Variants in GRIK4 observed in about 807,000 individuals in gnomAD.
The protein encoded by GRIK4 is glutamate receptor ionotropic, kainate 4.
A neutral mutation model predicts 104.9 loss-of-function variants in GRIK4; 40 were observed. That is an observed-to-expected ratio of 0.38 (90% CI 0.30 to 0.50). GRIK4 has a LOEUF of 0.50. Among genes scored for constraint, GRIK4 ranks in the 20% least tolerant of loss-of-function variants. The pLI is 0.93. For synonymous variants in GRIK4, 485 were observed against 524.9 expected, an observed-to-expected ratio of 0.92 and a Z score of 1.04; for missense variants, 1,047 against 1,308.1, an observed-to-expected ratio of 0.80 and a Z score of 3.08.
At chr11:120,858,092 A>G (rs576827773) in intron 8 of GRIK4, 156 of 151,924 alleles carry the variant, frequency 1.0e-3, no homozygotes, top group African/African-American at 3.7e-3. Context: ...TATTTATAAG[A>G]AGAGGATCAA....
chr11:120,875,311 T>C, intron 11 of GRIK4, 68 bp downstream of exon 11: 1 of 1,018,430 alleles, frequency 9.8e-7, no homozygotes, highest in Non-Finnish European at 1.6e-6. Flanking sequence ...TGCCTCGGTG[T>C]TTTGGATGGC....
intron 3 of GRIK4, among the ~76,000 whole-genome samples, chr11:120,768,214 C>T (rs1951872715): frequency 6.6e-6 from 1 of 151,972 alleles, no homozygotes; most frequent in Non-Finnish European, 1.5e-5. Context: ...TGTTTATCTT[C>T]TTCAATTTCT....
At chr11:120,797,098 G>A (rs532146928) in intron 3 of GRIK4, among the ~76,000 whole-genome samples, 24 of 152,282 alleles carry the variant, frequency 1.6e-4, no homozygotes, top group Non-Finnish European at 2.6e-4. Flanking sequence ...TGGGCATGCC[G>A]GAGGCATCTT....
chr11:120,731,276 A>T (rs1231117921), intron 3 of GRIK4, among the ~76,000 whole-genome samples: 3 of 149,626 alleles, frequency 2.0e-5, no homozygotes, highest in South Asian at 2.1e-4. Context: ...TTTTTTAATC[A>T]TGAAAGGATG....
At chr11:120,797,695 C>T (rs181917822) in intron 3 of GRIK4, among the ~76,000 whole-genome samples, 6 of 152,252 alleles carry the variant, frequency 3.9e-5, no homozygotes, top group Non-Finnish European at 7.4e-5. Flanking sequence ...CCCTGAATCG[C>T]ACGGGGGTTG....
In GRIK4 at chr11:120,549,341, C is replaced by T. The variant is rs1055075697; in HGVS notation, c.-159+37454C>T. 2.0e-5 allele frequency among the ~76,000 whole-genome samples: 3 copies of T among 152,144 alleles called. No individual in the cohort carries two copies. The highest frequency in any genetic ancestry group is 4.4e-5 in the Non-Finnish European group (3 of 68,044). On this transcript the variant is annotated intron_variant, in intron 1 of 20. Coordinates refer to ENST00000527524, the MANE Select transcript of GRIK4 (RefSeq NM_014619.5). The surrounding 1 kb of genome is among the most constrained non-coding windows in gnomAD (Gnocchi z 4.7). ...CAGGCTGGTCTCAAACTCTTGACCTCATGATGCACCCACCTTGGACTCCCA... is the reference window on the plus strand; with the variant it reads ...CAGGCTGGTCTCAAACTCTTGACCTTATGATGCACCCACCTTGGACTCCCA...
At chr11:120,852,431 A>G (rs753325125) in intron 8 of GRIK4, among the ~76,000 whole-genome samples, 44 of 152,356 alleles carry the variant, frequency 2.9e-4, no homozygotes, top group Non-Finnish European at 5.3e-4. Context: ...ATGAACAAGA[A>G]GGAATATGGT....
intron 3 of GRIK4, among the ~76,000 whole-genome samples, chr11:120,765,243 C>T (rs74414383): frequency 5.3e-5 from 8 of 151,406 alleles, no homozygotes; most frequent in African/African-American, 1.5e-4. Flanking sequence ...TCTGCTTGAT[C>T]GGTTTGGCTA....
intron 12 of GRIK4, among the ~76,000 whole-genome samples, chr11:120,901,070 G>C (rs1942723851): frequency 6.6e-6 from 1 of 152,060 alleles, no homozygotes; most frequent in African/African-American, 2.4e-5. Context: ...TCTTTCTCTG[G>C]AGCCGCTCCA....
intron 1 of GRIK4, among the ~76,000 whole-genome samples, chr11:120,613,411 T>C (rs899866411): frequency 6.6e-6 from 1 of 152,248 alleles, no homozygotes; most frequent in African/African-American, 2.4e-5. Flanking sequence ...CTGATGTTGA[T>C]AAGAGCTTTG....
intron 3 of GRIK4, among the ~76,000 whole-genome samples, chr11:120,802,410 C>CG (rs1386740528): frequency 6.6e-6 from 1 of 152,186 alleles, no homozygotes; most frequent in African/African-American, 2.4e-5. Context: ...TGCCTGGACC[C>CG]GGGGACTTCG....
chr11:120,690,884 A>T (rs1471237773), intron 3 of GRIK4, among the ~76,000 whole-genome samples: 2 of 152,198 alleles, frequency 1.3e-5, no homozygotes, highest in Admixed American at 1.3e-4. Flanking sequence ...TCGCATATTT[A>T]TGGGAAGTTA....
intron 13 of GRIK4, among the ~76,000 whole-genome samples, chr11:120,906,216 G>A (rs1466494149): frequency 6.6e-6 from 1 of 152,180 alleles, no homozygotes; most frequent in East Asian, 1.9e-4. Flanking sequence ...AATTAATTAA[G>A]TCATTGGGAA....
intron 3 of GRIK4, among the ~76,000 whole-genome samples, chr11:120,759,186 G>A (rs559126411): frequency 1.6e-4 from 25 of 152,308 alleles, no homozygotes; most frequent in Middle Eastern, 3.4e-3. Flanking sequence ...GGAGTGGAGA[G>A]CTTTCTGGGC....
At chr11:120,761,926 A>G (rs117940660) in intron 3 of GRIK4, among the ~76,000 whole-genome samples, 2 of 152,196 alleles carry the variant, frequency 1.3e-5, no homozygotes, top group Non-Finnish European at 2.9e-5. Flanking sequence ...TGCCTTGGCT[A>G]TACGGACTCT....
In GRIK4 at chr11:120,986,178, G is replaced by C; in HGVS notation, c.2789G>C (p.Gly930Ala). 6.4e-7 allele frequency: 1 copy of C among 1,559,152 alleles called. No individual in the cohort carries two copies. The highest frequency in any genetic ancestry group is 1.2e-5 in the South Asian group (1 of 86,692). The change falls in exon 21 of 21, where the codon GGC becomes GCC. Residue 930 changes from glycine (G) to alanine (A), a missense_variant. Physicochemically the swap from Gly to Ala is moderately conservative, Grantham distance 60 (BLOSUM62 0). Coordinates refer to ENST00000527524, the MANE Select transcript of GRIK4 (RefSeq NM_014619.5). Reference protein sequence around the residue: ...RVCPECRRFQGLRARPSPARS... With the variant: ...RVCPECRRFQALRARPSPARS... ...TGCCCCGAGTGCCGCCGCTTCCAGG[G>C]CCTGCGGGCACGGCCGTCGCCCGCC...
chr11:120,805,198 C>A (rs1158728410), intron 4 of GRIK4, among the ~76,000 whole-genome samples: 1 of 152,184 alleles, frequency 6.6e-6, no homozygotes, highest in Non-Finnish European at 1.5e-5. Context: ...CTTGTGAACC[C>A]CCAGTCCAGT....
intron 1 of GRIK4, among the ~76,000 whole-genome samples, chr11:120,579,159 A>G (rs1948528938): frequency 6.6e-6 from 1 of 152,088 alleles, no homozygotes; most frequent in Non-Finnish European, 1.5e-5. Flanking sequence ...AGGCTGCATG[A>G]TGGTGGAGTG....
chr11:120,596,377 G>C (rs750902364), intron 1 of GRIK4, among the ~76,000 whole-genome samples: 25 of 152,202 alleles, frequency 1.6e-4, no homozygotes, highest in Non-Finnish European at 3.2e-4. Flanking sequence ...TGATGAGTGT[G>C]GGAAAAGAGG....
Sources: allele counts gnomAD v4.1 joint callset (sites outside exome capture counted in the v4.1 genomes callset), GRCh38; gene constraint gnomAD v4.1.1; non-coding constraint Gnocchi (gnomAD v3.1); transcripts MANE v1.5; gene names NCBI Gene and HGNC (gene_info 2026-07-23, HGNC 2026-07-21).